Variants in YAF2 observed in about 807,000 individuals in gnomAD.
The protein encoded by YAF2 is YY1-associated factor 2.
A neutral mutation model predicts 20.1 loss-of-function variants in YAF2; 7 were observed. The observed-to-expected ratio is 0.35, with a 90% CI of 0.20 to 0.65. The LOEUF is 0.65. Ranked by LOEUF, YAF2 falls within the 30% of genes least tolerant of loss-of-function variation. The pLI is 0.69. For missense variants in YAF2, 151 were observed against 219.2 expected, an observed-to-expected ratio of 0.69 and a Z score of 1.96; for synonymous variants, 74 against 76.0, an observed-to-expected ratio of 0.97 and a Z score of 0.14.
At chr12:42,220,347 C>T (rs188251064) in intron 2 of YAF2, among the ~76,000 whole-genome samples, 36 of 152,224 alleles carry the variant, frequency 2.4e-4, no homozygotes, top group Middle Eastern at 3.4e-3. Flanking sequence ...AAAAATAAAA[C>T]TCCATCCCCC....
At chr12:42,211,427 CAAAAAAAAAAA>C (rs34683165) in intron 2 of YAF2, among the ~76,000 whole-genome samples, 2 of 51,608 alleles carry the variant, frequency 3.9e-5, no homozygotes, top group Non-Finnish European at 3.5e-5. Flanking sequence ...ACTCTGTCTC[CAAAAAAAAAAA>C]AAAAAAAAAA....
At chr12:42,202,507 A>T (rs1377585982) in intron 2 of YAF2, among the ~76,000 whole-genome samples, 1 of 152,246 alleles carries the variant, frequency 6.6e-6, no homozygotes, top group African/African-American at 2.4e-5. Flanking sequence ...TATAAATGAA[A>T]TCATACAATA....
chr12:42,235,779 G>A (rs1340712967), intron 2 of YAF2: 7 of 1,535,648 alleles, frequency 4.6e-6, no homozygotes, highest in Non-Finnish European at 6.1e-6. Flanking sequence ...AAAATGTCAG[G>A]GGCCCCCATG....
chr12:42,172,576 A>G (rs1428060578), intron 2 of YAF2, among the ~76,000 whole-genome samples: 2 of 152,234 alleles, frequency 1.3e-5, no homozygotes, highest in Non-Finnish European at 2.9e-5. Flanking sequence ...TTTGAAAAAT[A>G]CAGAAGCCCA....
chr12:42,213,985 GTCTT>G (rs531514485), intron 2 of YAF2, among the ~76,000 whole-genome samples: 2 of 152,256 alleles, frequency 1.3e-5, no homozygotes, highest in Admixed American at 6.5e-5. Context: ...AGCCCAACTA[GTCTT>G]TCTATTTACA....
intron 2 of YAF2, among the ~76,000 whole-genome samples, chr12:42,164,321 G>A (rs1265934908): frequency 6.6e-6 from 1 of 152,138 alleles, no homozygotes; most frequent in African/African-American, 2.4e-5. Flanking sequence ...ATTTTATTAC[G>A]CATTAGGACA....
In YAF2 at chr12:42,166,409, G is replaced by A. The variant is rs1026616252; in HGVS notation, c.153-4644C>T. On this transcript the variant is annotated intron_variant, in intron 2 of 3. Transcript: ENST00000534854. ...CTACCTTTAGCATCTGTCCACTAAC[G>A]AACTATCTCAAGTAAATTTTTGTGT... Among the ~76,000 whole-genome samples the A allele has an allele frequency of 3.3e-5, 5 of 152,162 alleles. 1 individual carries two copies. Among genetic ancestry groups the A allele is most frequent in the East Asian group, 1.9e-4 (1 of 5,180 alleles).
At chr12:42,174,660 T>A (rs1160822758) in intron 2 of YAF2, among the ~76,000 whole-genome samples, 2 of 152,220 alleles carry the variant, frequency 1.3e-5, no homozygotes, top group Non-Finnish European at 2.9e-5. Flanking sequence ...GTGATTTTTT[T>A]ATGCATGCTA....
At chr12:42,216,406 C>T (rs1024340598) in intron 2 of YAF2, among the ~76,000 whole-genome samples, 3 of 152,056 alleles carry the variant, frequency 2.0e-5, no homozygotes, top group Non-Finnish European at 4.4e-5. Context: ...GCTAAACACA[C>T]CCCCCTCTTT....
rs2065775147 is a variant in YAF2 at position 42,160,515 on chromosome 12, G to T, written c.*74C>A. ...GCATGAATGTATCTGTCATGAAAAT[G>T]TGGTACCTCTTGGCATAATCTGTGT... On this transcript the variant is annotated 3_prime_UTR_variant, in exon 4 of 4. Transcript: ENST00000534854. 5 of 1,086,928 alleles carry T rather than the reference G, an allele frequency of 4.6e-6. No homozygotes were observed. The highest frequency in any genetic ancestry group is 6.8e-6 in the Non-Finnish European group (5 of 733,492). 67.3% of individuals were successfully genotyped at this position (1,086,928 alleles called of 1,614,324 possible). A position where few individuals can be genotyped will look rare whatever the true frequency, so the allele number is the denominator to read the frequency against.
At chr12:42,206,362 A>G (rs2067041157) in intron 2 of YAF2, among the ~76,000 whole-genome samples, 1 of 151,470 alleles carries the variant, frequency 6.6e-6, no homozygotes, top group African/African-American at 2.4e-5. Context: ...TAATCCCAGC[A>G]CCTTGGGAGG....
intron 2 of YAF2, among the ~76,000 whole-genome samples, chr12:42,177,612 G>A (rs2066228794): frequency 6.6e-6 from 1 of 152,078 alleles, no homozygotes; most frequent in Non-Finnish European, 1.5e-5. Context: ...TAGGGGGTGA[G>A]GGCTTCATTC....
At chr12:42,238,100 G>C (rs1289950485) in intron 1 of YAF2, 55 bp downstream of exon 1, 6 of 1,424,002 alleles carry the variant, frequency 4.2e-6, no homozygotes, top group Non-Finnish European at 5.5e-6. Context: ...CCGAAGCCCT[G>C]CACGAGGGCC....
chr12:42,203,083 C>T (rs2066944107), intron 2 of YAF2, among the ~76,000 whole-genome samples: 2 of 151,128 alleles, frequency 1.3e-5, no homozygotes, highest in African/African-American at 2.4e-5. Context: ...AAAAAAAAAT[C>T]CTACTGGGAT....
chr12:42,168,698 C>A (rs565540937), intron 2 of YAF2, among the ~76,000 whole-genome samples: 1 of 152,128 alleles, frequency 6.6e-6, no homozygotes, highest in African/African-American at 2.4e-5. Flanking sequence ...TTCACAGGAA[C>A]AAGCCACTGT....
chr12:42,160,045 G>C lies in YAF2; in HGVS notation c.*544C>G, dbSNP rs1325377020. 6.6e-6 allele frequency: 1 copy of C among 152,530 alleles called. No homozygotes were observed. Among genetic ancestry groups the C allele is most frequent in the African/African-American group, 2.4e-5 (1 of 41,402 alleles). 9.4% of individuals were successfully genotyped at this position (152,530 alleles called of 1,614,324 possible). ...AAAACGTGTCAAAAACATTGGCAAA[G>C]GTTCATACAAATTCTTTATTTAATA... On this transcript the variant is annotated 3_prime_UTR_variant, in exon 4 of 4. Transcript: ENST00000534854.
intron 2 of YAF2, among the ~76,000 whole-genome samples, chr12:42,181,462 A>T (rs1219852723): frequency 6.6e-6 from 1 of 151,468 alleles, no homozygotes; most frequent in Non-Finnish European, 1.5e-5. Flanking sequence ...TTGCGTAATG[A>T]TCAGATCTGT....
intron 2 of YAF2, chr12:42,210,619 T>A (rs922351710): frequency 2.0e-6 from 3 of 1,536,096 alleles, no homozygotes; most frequent in Middle Eastern, 1.7e-4. Context: ...ACAATGTGGA[T>A]CTGTGGAGAT....
intron 2 of YAF2, among the ~76,000 whole-genome samples, chr12:42,169,857 C>T (rs1169924058): frequency 6.6e-6 from 1 of 151,610 alleles, no homozygotes; most frequent in Non-Finnish European, 1.5e-5. Context: ...TTCCTTCCTT[C>T]CTTTTCTCTC....
Sources: gnomAD v4.1 joint callset for allele counts (sites outside exome capture counted in the v4.1 genomes callset) on GRCh38, gnomAD v4.1.1 for gene constraint, MANE v1.5 for transcripts, NCBI Gene and HGNC (gene_info 2026-07-23, HGNC 2026-07-21) for gene names.